Variants in PFDN1 observed in about 807,000 individuals in gnomAD.
PFDN1 encodes prefoldin subunit 1.
A neutral mutation model predicts 17.3 loss-of-function variants in PFDN1; 6 were observed. That is an observed-to-expected ratio of 0.35 (90% CI 0.19 to 0.69). PFDN1 has a LOEUF of 0.69. Among genes scored for constraint, PFDN1 ranks in the 30% least tolerant of loss-of-function variants. The pLI is 0.65. For synonymous variants in PFDN1, 58 were observed against 50.1 expected (o/e 1.16, Z -0.67); for missense variants, 113 against 146.2 (o/e 0.77, Z 1.17).
At chr5:140,269,264 C>T (rs1285077422) in intron 3 of PFDN1, among the ~76,000 whole-genome samples, 3 of 151,528 alleles carry the variant, frequency 2.0e-5, no homozygotes, top group African/African-American at 7.3e-5. Flanking sequence ...CTGCCTGCCT[C>T]AGACTCCCAA....
In PFDN1 at chr5:140,254,982, C is replaced by T. The variant is rs535050747; in HGVS notation, c.286-8925G>A. Among the ~76,000 whole-genome samples the T allele has an allele frequency of 6.6e-6, 1 of 152,314 alleles. No individual in the cohort carries two copies. The highest frequency in any genetic ancestry group is 2.1e-4 in the South Asian group (1 of 4,826). ...ACCATCTACCCACTCCATGCCTCAC[C>T]TGAGTGGCTGAATGTTGCTGGAGGA... is the stretch of plus-strand genomic sequence containing the variant. On this transcript the variant is annotated intron_variant, in intron 3 of 3. Coordinates refer to ENST00000261813, the MANE Select transcript of PFDN1 (RefSeq NM_002622.5). This position sits in a 1 kb window ranked among gnomAD's most constrained non-coding sequence, Gnocchi z 4.4.
At chr5:140,276,766 G>A (rs1765299923) in intron 3 of PFDN1, among the ~76,000 whole-genome samples, 1 of 112,494 alleles carries the variant, frequency 8.9e-6, no homozygotes, top group African/African-American at 3.5e-5. Flanking sequence ...GGGTGACAGA[G>A]TGAGACACCG....
intron 3 of PFDN1, among the ~76,000 whole-genome samples, chr5:140,274,992 CAAAA>C (rs1268320654): frequency 4.6e-5 from 3 of 65,616 alleles, no homozygotes; most frequent in African/African-American, 1.7e-4. Flanking sequence ...GACTTCATCT[CAAAA>C]AAAAAAAAAA....
chr5:140,278,362 T>C (rs1765332135), intron 3 of PFDN1, among the ~76,000 whole-genome samples: 1 of 150,936 alleles, frequency 6.6e-6, no homozygotes, highest in East Asian at 2.0e-4. Context: ...GGTCAGGAGT[T>C]CGAGACCAGT....
At chr5:140,273,342 T>C (rs1042289201) in intron 3 of PFDN1, among the ~76,000 whole-genome samples, 1 of 151,874 alleles carries the variant, frequency 6.6e-6, no homozygotes, top group African/African-American at 2.4e-5. Context: ...GCTCCTATTA[T>C]ATACACCAAT....
At chr5:140,278,702 T>C (rs1042181929) in intron 3 of PFDN1, among the ~76,000 whole-genome samples, 1 of 151,778 alleles carries the variant, frequency 6.6e-6, no homozygotes, top group Non-Finnish European at 1.5e-5. Context: ...TAAGGAGAAA[T>C]TGATAAACAC....
intron 2 of PFDN1, among the ~76,000 whole-genome samples, chr5:140,293,655 G>A (rs925887631): frequency 2.6e-5 from 4 of 151,976 alleles, no homozygotes; most frequent in South Asian, 2.1e-4. Flanking sequence ...TAATTCTTAC[G>A]CAAATGTTTG....
In PFDN1 at chr5:140,258,133, G is replaced by A. The variant is rs188340185; in HGVS notation, c.286-12076C>T. Among the ~76,000 whole-genome samples, 7 of 152,248 alleles carry A rather than the reference G, an allele frequency of 4.6e-5. No homozygotes were observed. In the East Asian group the frequency reaches 1.2e-3, roughly 25 times the overall value. On this transcript the variant is annotated intron_variant, in intron 3 of 3. Transcript: ENST00000261813. ...GGTCTTAAGCCATATTAAAGTTCTG[G>A]AATTTATCTTGAAGGCAATGGAATG...
At chr5:140,277,394 A>G (rs1169736833) in intron 3 of PFDN1, among the ~76,000 whole-genome samples, 1 of 152,180 alleles carries the variant, frequency 6.6e-6, no homozygotes, top group Non-Finnish European at 1.5e-5. Context: ...TTAATATCCT[A>G]CTGCAGATGG....
intron 3 of PFDN1, among the ~76,000 whole-genome samples, chr5:140,274,992 C>CAAAAAAA (rs1268320654): frequency 1.5e-5 from 1 of 65,622 alleles, no homozygotes. Context: ...GACTTCATCT[C>CAAAAAAA]AAAAAAAAAA....
intron 2 of PFDN1, among the ~76,000 whole-genome samples, chr5:140,288,038 A>G (rs924754548): frequency 1.3e-5 from 2 of 152,362 alleles, no homozygotes; most frequent in East Asian, 3.9e-4. Flanking sequence ...AGCTTCTTAC[A>G]AAGCTTAACA....
chr5:140,254,840 G>A lies in PFDN1; in HGVS notation c.286-8783C>T, dbSNP rs1404251166. Among the ~76,000 whole-genome samples, 2 of 152,114 alleles carry A rather than the reference G, an allele frequency of 1.3e-5. No homozygotes were observed. Among genetic ancestry groups the A allele is most frequent in the African/African-American group, 4.8e-5 (2 of 41,406 alleles). ...CCATGGGCTTTTCCCTTCCTACCCA[G>A]CTTTGCTTATATAGTCCATCATTTA... is the stretch of plus-strand genomic sequence containing the variant. On this transcript the variant is annotated intron_variant, in intron 3 of 3. Transcript: ENST00000261813. This position sits in a 1 kb window ranked among gnomAD's most constrained non-coding sequence, Gnocchi z 4.4.
intron 3 of PFDN1, 119 bp from the exon 4 acceptor site, chr5:140,246,176 T>G: frequency 1.4e-6 from 1 of 694,512 alleles, no homozygotes; most frequent in Non-Finnish European, 2.6e-6. Flanking sequence ...TTCAGGAGTA[T>G]ACTGCAAGCC....
chr5:140,287,644 A>T (rs1164261119), intron 2 of PFDN1, among the ~76,000 whole-genome samples: 1 of 152,242 alleles, frequency 6.6e-6, no homozygotes, highest in African/African-American at 2.4e-5. Context: ...AAAAAGCTAA[A>T]GAAAAGACAA....
At chr5:140,281,408 T>G in intron 3 of PFDN1, 41 bp downstream of exon 3, 1 of 847,634 alleles carries the variant, frequency 1.2e-6, no homozygotes, top group Non-Finnish European at 2.0e-6. Flanking sequence ...AGATTACTAC[T>G]TTCTCCCAAA....
chr5:140,245,905 C>T lies in PFDN1; in HGVS notation c.*69G>A. 2.3e-6 allele frequency: 2 copies of T among 863,914 alleles called. No homozygotes were observed. Among genetic ancestry groups the T allele is most frequent in the South Asian group, 2.8e-5 (2 of 70,386 alleles). The allele number at this position is 863,914 out of a possible 1,614,324, so 53.5% of individuals were successfully genotyped here. A position where few individuals can be genotyped will look rare whatever the true frequency, so the allele number is the denominator to read the frequency against. On this transcript the variant is annotated 3_prime_UTR_variant, in exon 4 of 4. Transcript: ENST00000261813. Reference sequence around the variant, plus strand: ...ATCGGGGCAGAGGAGAAGCTGTTTCCCTGCAGACACTCCTCTGCCCCCACC... The same window carrying T: ...ATCGGGGCAGAGGAGAAGCTGTTTCTCTGCAGACACTCCTCTGCCCCCACC...
chr5:140,287,251 T>A (rs1236083230), intron 2 of PFDN1, among the ~76,000 whole-genome samples: 2 of 152,170 alleles, frequency 1.3e-5, no homozygotes, highest in African/African-American at 4.8e-5. Context: ...AAGTTACAGA[T>A]ACGCAAGAAA....
chr5:140,299,343 G>A (rs373196326), intron 2 of PFDN1, among the ~76,000 whole-genome samples: 3 of 152,170 alleles, frequency 2.0e-5, no homozygotes, highest in African/African-American at 7.2e-5. Context: ...GGTGGCTCAC[G>A]CCTGTAATCC....
chr5:140,295,484 T>C (rs1319435681), intron 2 of PFDN1, among the ~76,000 whole-genome samples: 5 of 152,190 alleles, frequency 3.3e-5, no homozygotes, highest in Admixed American at 3.3e-4. Context: ...TCCCCAGTTG[T>C]AACTTTCATC....
Sources: allele counts gnomAD v4.1 joint callset (sites outside exome capture counted in the v4.1 genomes callset), GRCh38; gene constraint gnomAD v4.1.1; non-coding constraint Gnocchi (gnomAD v3.1); transcripts MANE v1.5; gene names NCBI Gene and HGNC (gene_info 2026-07-23, HGNC 2026-07-21).